Variants in MYO6 observed in about 807,000 individuals in gnomAD.
MYO6 encodes the protein unconventional myosin-VI.
In MYO6, 74 loss-of-function variants were observed where a neutral mutation model predicts 178.7. That is an observed-to-expected ratio of 0.41 (90% confidence interval 0.34 to 0.50). The LOEUF (loss-of-function observed/expected upper bound fraction) is 0.50, where lower values mean the gene tolerates loss of function less well. MYO6 is among the 20% of genes least tolerant of loss of function. MYO6 has a pLI of 0.09. For synonymous variants in MYO6, 477 were observed against 504.6 expected, an observed-to-expected ratio of 0.95 and a Z score of 0.73; for missense variants, 1,330 against 1,547.4, an observed-to-expected ratio of 0.86 and a Z score of 2.36.
chr6:75,912,506 T>C (rs1780835720), intron 33 of MYO6, among the ~76,000 whole-genome samples: 1 of 152,036 alleles, frequency 6.6e-6, no homozygotes, highest in South Asian at 2.1e-4. Flanking sequence ...GTTCTCCTGT[T>C]AGTAAGAAAA....
chr6:75,848,659 G>A, intron 11 of MYO6, 128 bp downstream of exon 11: 1 of 883,760 alleles, frequency 1.1e-6, no homozygotes, highest in South Asian at 1.8e-5. Flanking sequence ...AATATACTGA[G>A]TTAAATGTTG....
In MYO6 at chr6:75,907,708, GGTAA is replaced by G. The variant is rs764683266; in HGVS notation, c.3280+3_3280+6del. The G allele has an allele frequency of 1.2e-6, 2 of 1,606,748 alleles. No individual in the cohort carries two copies. Among genetic ancestry groups the G allele is most frequent in the Non-Finnish European group, 8.5e-7 (1 of 1,174,548 alleles). ...ACGTGATACCATCAATACTTCTTGT[GGTAA>G]GTGTTTGGAGAAGATCAAAAATAGA... On this transcript the variant is annotated splice_donor_variant and splice_donor_region_variant and intron_variant, in intron 31 of 34. Coordinates refer to ENST00000369977, the MANE Select transcript of MYO6 (RefSeq NM_004999.4). LOFTEE classifies it high-confidence loss of function.
intron 30 of MYO6, among the ~76,000 whole-genome samples, chr6:75,899,990 GT>G (rs1275736783): frequency 1.3e-5 from 2 of 148,904 alleles, no homozygotes; most frequent in East Asian, 2.0e-4. Context: ...GTGGTGTTTG[GT>G]TTTTTGTTCT....
chr6:75,790,875 A>C (rs1398011759), intron 1 of MYO6, among the ~76,000 whole-genome samples: 2 of 152,162 alleles, frequency 1.3e-5, no homozygotes, highest in African/African-American at 4.8e-5. Context: ...AATTATGCAG[A>C]TGTCATGACA....
chr6:75,760,938 C>T (rs990953638), intron 1 of MYO6, among the ~76,000 whole-genome samples: 15 of 151,990 alleles, frequency 9.9e-5, no homozygotes, highest in Admixed American at 9.8e-4. Context: ...GAACTTTTCT[C>T]TTCTTCCTTG....
chr6:75,758,694 G>A (rs551895492), intron 1 of MYO6, among the ~76,000 whole-genome samples: 3 of 152,076 alleles, frequency 2.0e-5, no homozygotes, highest in Non-Finnish European at 4.4e-5. Context: ...TCCTGACCTC[G>A]TGATCTGCCC....
intron 1 of MYO6, among the ~76,000 whole-genome samples, chr6:75,788,491 T>C (rs1767903105): frequency 6.6e-6 from 1 of 152,226 alleles, no homozygotes; most frequent in Non-Finnish European, 1.5e-5. Context: ...CCACACACTC[T>C]TCCAGCAGAT....
chr6:75,768,179 G>A (rs922003278), intron 1 of MYO6: 2 of 152,110 alleles, frequency 1.3e-5, no homozygotes, highest in African/African-American at 4.8e-5. Context: ...TTTTATGGGT[G>A]TATCTATTGC....
At chr6:75,909,137 G>T (rs1780572580) in intron 32 of MYO6, among the ~76,000 whole-genome samples, 1 of 152,186 alleles carries the variant, frequency 6.6e-6, no homozygotes, top group African/African-American at 2.4e-5. Context: ...CAATCCTCCT[G>T]CCTTGGCCTT....
chr6:75,862,344 A>T (rs3798437), intron 15 of MYO6, among the ~76,000 whole-genome samples: 1 of 152,154 alleles, frequency 6.6e-6, no homozygotes, highest in Non-Finnish European at 1.5e-5. Flanking sequence ...AATGGTTATT[A>T]TAGTCATTTG....
chr6:75,889,386 C>T (rs1251326793), intron 25 of MYO6, among the ~76,000 whole-genome samples: 2 of 152,094 alleles, frequency 1.3e-5, no homozygotes, highest in East Asian at 1.9e-4. Context: ...TAAACTATTG[C>T]TAAATTAGCT....
intron 28 of MYO6, chr6:75,894,915 CAA>C: frequency 2.0e-6 from 2 of 1,002,694 alleles, no homozygotes; most frequent in Non-Finnish European, 2.8e-6. Context: ...ATTCTTGATG[CAA>C]AGAGATGGTT....
Position 75,844,887 on chromosome 6 carries a change from T to G in MYO6, c.817-10T>G. ...TATATGTTAATTATGTTTAATTTGT[T>G]TTGTCATAGTATTTAAACCGAGGCT... is the stretch of plus-strand genomic sequence containing the variant. On this transcript the variant is annotated splice_polypyrimidine_tract_variant and intron_variant, in intron 9 of 34. Transcript: ENST00000369977. 6.2e-7 allele frequency: 1 copy of G among 1,600,828 alleles called. No individual in the cohort carries two copies. The highest frequency in any genetic ancestry group is 8.6e-7 in the Non-Finnish European group (1 of 1,168,346).
At chr6:75,809,300 C>G (rs1002260142) in intron 1 of MYO6, among the ~76,000 whole-genome samples, 1 of 152,038 alleles carries the variant, frequency 6.6e-6, no homozygotes, top group Admixed American at 6.5e-5. Flanking sequence ...AGGAACAGAG[C>G]GAGTGGATCA....
At chr6:75,758,360 T>G (rs913299367) in intron 1 of MYO6, among the ~76,000 whole-genome samples, 25 of 152,008 alleles carry the variant, frequency 1.6e-4, no homozygotes, top group African/African-American at 6.0e-4. Context: ...CTTCATTGAC[T>G]TTTTTTTAAA....
At chr6:75,866,278 T>TGTGTGTGTGGGG (rs773297070) in intron 16 of MYO6, among the ~76,000 whole-genome samples, 2 of 142,406 alleles carry the variant, frequency 1.4e-5, no homozygotes, top group East Asian at 4.0e-4. Flanking sequence ...TCTGTCTCTG[T>TGTGTGTGTGGGG]GTGTGTGTGT....
chr6:75,905,439 C>A (rs144794497), intron 30 of MYO6, among the ~76,000 whole-genome samples: 2 of 152,206 alleles, frequency 1.3e-5, no homozygotes, highest in African/African-American at 2.4e-5. Context: ...TTTTTAAGCC[C>A]GTCGGAAAAG....
At chr6:75,805,528 GAT>G (rs1322181370) in intron 1 of MYO6, among the ~76,000 whole-genome samples, 1 of 152,182 alleles carries the variant, frequency 6.6e-6, no homozygotes, top group African/African-American at 2.4e-5. Context: ...GCCTCCTGGT[GAT>G]ATACTTTTAA....
chr6:75,769,574 C>T (rs1286141853), intron 1 of MYO6, among the ~76,000 whole-genome samples: 4 of 152,248 alleles, frequency 2.6e-5, no homozygotes, highest in East Asian at 1.9e-4. Flanking sequence ...CCCAAGGTCT[C>T]GGGCAGCTCC....
Sources: allele counts gnomAD v4.1 joint callset (sites outside exome capture counted in the v4.1 genomes callset), GRCh38; gene constraint gnomAD v4.1.1; transcripts MANE v1.5; gene names NCBI Gene and HGNC (gene_info 2026-07-23, HGNC 2026-07-21).